TENM2: variants seen among roughly 807,000 people sequenced by gnomAD.
The protein encoded by TENM2 is teneurin-2.
In TENM2, 52 loss-of-function variants were observed where a neutral mutation model predicts 245.2. The ratio of observed to expected loss-of-function variants is 0.21; its 90% CI spans 0.17 to 0.27. The LOEUF is 0.27. Among genes scored for constraint, TENM2 ranks in the 10% least tolerant of loss-of-function variants. The pLI is 1.00. For synonymous variants in TENM2, 1,363 were observed against 1,438.9 expected, an observed-to-expected ratio of 0.95 and a Z score of 1.19; for missense variants, 3,046 against 3,666.8, an observed-to-expected ratio of 0.83 and a Z score of 4.37.
intron 2 of TENM2, among the ~76,000 whole-genome samples, chr5:167,780,546 G>T (rs1764121110): frequency 6.6e-6 from 1 of 152,160 alleles, no homozygotes; most frequent in African/African-American, 2.4e-5. Flanking sequence ...GCTGTCTGGT[G>T]ATCCTAAGCA....
intron 2 of TENM2, among the ~76,000 whole-genome samples, chr5:167,870,579 A>G (rs531526636): frequency 3.7e-4 from 49 of 133,216 alleles, no homozygotes; most frequent in East Asian, 2.7e-3. Flanking sequence ...ATGTGTGTGT[A>G]TATATATATG....
At chr5:167,843,000 T>C (rs1769691785) in intron 2 of TENM2, among the ~76,000 whole-genome samples, 1 of 152,140 alleles carries the variant, frequency 6.6e-6, no homozygotes, top group African/African-American at 2.4e-5. Flanking sequence ...CTTACCTCAA[T>C]TCGCAACAAC....
chr5:167,344,282 G>GCACA (rs3067278), intron 1 of TENM2, among the ~76,000 whole-genome samples: 197 of 134,524 alleles, frequency 1.5e-3, no homozygotes, highest in African/African-American at 5.1e-3. Flanking sequence ...GCACGTGCAC[G>GCACA]CACACACACA....
intron 4 of TENM2, among the ~76,000 whole-genome samples, chr5:167,977,407 T>C (rs925677982): frequency 6.6e-6 from 1 of 152,152 alleles, no homozygotes; most frequent in Non-Finnish European, 1.5e-5. Context: ...TTGAAGAACT[T>C]AAACTGATGC....
chr5:167,617,767 G>A (rs1172573542), intron 2 of TENM2, among the ~76,000 whole-genome samples: 2 of 152,150 alleles, frequency 1.3e-5, no homozygotes, highest in African/African-American at 4.8e-5. Flanking sequence ...CAAATGGAAA[G>A]AAAAGTCATG....
chr5:167,363,574 A>G (rs529260701), intron 1 of TENM2, among the ~76,000 whole-genome samples: 46 of 152,000 alleles, frequency 3.0e-4, no homozygotes, highest in Non-Finnish European at 6.0e-4. Context: ...TACTAAAAAT[A>G]CAAAAAATTA....
At chr5:167,541,595 A>G (rs1453210049) in intron 2 of TENM2, among the ~76,000 whole-genome samples, 1 of 152,180 alleles carries the variant, frequency 6.6e-6, no homozygotes, top group Non-Finnish European at 1.5e-5. Flanking sequence ...ACTGGCTTCT[A>G]GAATCAATAT....
chr5:167,679,617 T>A (rs1756565904), intron 2 of TENM2, among the ~76,000 whole-genome samples: 1 of 152,158 alleles, frequency 6.6e-6, no homozygotes, highest in African/African-American at 2.4e-5. Context: ...TTTAAAAAGG[T>A]AATTTAATAG....
the TENM2 span, among the ~76,000 whole-genome samples, chr5:167,279,770 C>A: frequency 1.3e-5 from 2 of 152,018 alleles, no homozygotes; most frequent in East Asian, 3.9e-4. Context: ...CTGAGAATTT[C>A]TATTTCTTTG....
chr5:167,229,716 G>C, the TENM2 span, among the ~76,000 whole-genome samples: 4 of 152,158 alleles, frequency 2.6e-5, no homozygotes, highest in African/African-American at 9.7e-5. Context: ...GTCATGTAGA[G>C]CCAGGCCAGA....
chr5:167,335,371 C>T (rs1215803579), intron 1 of TENM2, among the ~76,000 whole-genome samples: 1 of 152,196 alleles, frequency 6.6e-6, no homozygotes, highest in Non-Finnish European at 1.5e-5. Flanking sequence ...TCCCACCAGG[C>T]CTGACCTCCA....
chr5:167,482,496 T>G (rs576904520), intron 2 of TENM2, among the ~76,000 whole-genome samples: 1 of 152,170 alleles, frequency 6.6e-6, no homozygotes, highest in Non-Finnish European at 1.5e-5. Context: ...ACCTTCAGAT[T>G]TTTTTACAGA....
intron 7 of TENM2, among the ~76,000 whole-genome samples, chr5:168,072,303 C>T (rs781389353): frequency 5.3e-5 from 8 of 152,208 alleles, no homozygotes; most frequent in East Asian, 1.9e-4. Context: ...TCATCAATTT[C>T]GCTGACCTTG....
chr5:167,159,110 T>A, the TENM2 span, among the ~76,000 whole-genome samples: 7 of 151,680 alleles, frequency 4.6e-5, no homozygotes, highest in Admixed American at 4.6e-4. Flanking sequence ...GCATGGCTAA[T>A]TTTTGTATTT....
intron 7 of TENM2, 67 bp from the exon 10 acceptor site, chr5:168,090,507 A>G (rs1240278633): frequency 3.7e-6 from 5 of 1,368,838 alleles, no homozygotes; most frequent in South Asian, 2.9e-5. Context: ...GTTCGGGGGG[A>G]AGGTACCAGG....
At chr5:168,210,045 TAAAG>T (rs1762668647) in intron 19 of TENM2, among the ~76,000 whole-genome samples, 1 of 152,196 alleles carries the variant, frequency 6.6e-6, no homozygotes, top group African/African-American at 2.4e-5. Context: ...AGGGCTCACC[TAAAG>T]AGTCTGTGGT....
At chr5:167,382,673 G>A (rs1373985374) in intron 2 of TENM2, among the ~76,000 whole-genome samples, 1 of 152,122 alleles carries the variant, frequency 6.6e-6, no homozygotes, top group Admixed American at 6.6e-5. Flanking sequence ...ACCATTCTGA[G>A]GGGAATAAAA....
At chr5:167,957,527 G>T (rs1473773280) in intron 4 of TENM2, among the ~76,000 whole-genome samples, 1 of 152,032 alleles carries the variant, frequency 6.6e-6, no homozygotes. Context: ...TTTTGATTTT[G>T]TTTGCTCTTG....
intron 2 of TENM2, among the ~76,000 whole-genome samples, chr5:167,771,899 A>G (rs949875408): frequency 6.6e-6 from 1 of 152,130 alleles, no homozygotes; most frequent in Non-Finnish European, 1.5e-5. Context: ...ACCTAGCGCC[A>G]TGTGTGTTTT....
Sources: allele counts gnomAD v4.1 joint callset (sites outside exome capture counted in the v4.1 genomes callset), GRCh38; gene constraint gnomAD v4.1.1; transcripts MANE v1.5; gene names NCBI Gene and HGNC (gene_info 2026-07-23, HGNC 2026-07-21).